Variants in ELOC observed in about 807,000 individuals in gnomAD.
ELOC encodes elongin C, also known as elongin-C.
For missense variants in ELOC, 38 were observed against 139.0 expected, an observed-to-expected ratio of 0.27 and a Z score of 3.65; for synonymous variants, 40 against 51.3, an observed-to-expected ratio of 0.78 and a Z score of 0.94.
rs868037900 is a variant in ELOC at position 73,956,059 on chromosome 8, A to G, written c.5-5T>C. On this transcript the variant is annotated splice_polypyrimidine_tract_variant and splice_region_variant and intron_variant, in intron 2 of 3. Coordinates refer to ENST00000520242, the MANE Select transcript of ELOC (RefSeq NM_005648.4). ...CATAGGTTTTCTCCTCTCCATCTAA[A>G]GTAAAGTAAGTAGTGAAACAATTTT... is the stretch of plus-strand genomic sequence containing the variant. The G allele has an allele frequency of 6.2e-7, 1 of 1,609,052 alleles. No individual in the cohort carries two copies. Among genetic ancestry groups the G allele is most frequent in the Middle Eastern group, 1.7e-4 (1 of 6,042 alleles).
At chr8:73,957,844 T>C (rs1814302413) in intron 2 of ELOC, among the ~76,000 whole-genome samples, 1 of 152,196 alleles carries the variant, frequency 6.6e-6, no homozygotes, top group African/African-American at 2.4e-5. Flanking sequence ...AGTGGCACAA[T>C]CTCGGCTCAC....
At chr8:73,964,046 C>T (rs80230580) in intron 1 of ELOC, among the ~76,000 whole-genome samples, 45,043 of 145,618 alleles carry the variant, frequency 0.31, 7,139 homozygotes, top group Admixed American at 0.39. Context: ...TGAGCCAAGA[C>T]TGCGCCACTG....
chr8:73,964,797 G>T (rs1814855607), intron 1 of ELOC, among the ~76,000 whole-genome samples: 1 of 152,172 alleles, frequency 6.6e-6, no homozygotes, highest in South Asian at 2.1e-4. Context: ...GCCAAGGCAA[G>T]CTGACTGTTT....
chr8:73,947,880 T>TA (rs1178400837), intron 3 of ELOC, among the ~76,000 whole-genome samples: 10 of 151,886 alleles, frequency 6.6e-5, no homozygotes, highest in African/African-American at 2.4e-4. Flanking sequence ...TGGCCAACAT[T>TA]AAAAAAAACC....
intron 1 of ELOC, among the ~76,000 whole-genome samples, chr8:73,963,684 T>C (rs948677179): frequency 6.6e-6 from 1 of 152,152 alleles, no homozygotes; most frequent in Non-Finnish European, 1.5e-5. Context: ...TTAGAACAGA[T>C]CACTCACAAA....
intron 1 of ELOC, among the ~76,000 whole-genome samples, chr8:73,968,555 G>A (rs1168368656): frequency 6.6e-6 from 1 of 152,158 alleles, no homozygotes; most frequent in Admixed American, 6.5e-5. Context: ...CGAAAGATAG[G>A]CTAAAAATAA....
chr8:73,954,451 C>T (rs560944705), intron 3 of ELOC, among the ~76,000 whole-genome samples: 31 of 151,038 alleles, frequency 2.1e-4, no homozygotes, highest in African/African-American at 7.0e-4. Flanking sequence ...AAGGTCAGAT[C>T]GAGACCATCC....
At chr8:73,962,411 T>G (rs1814666602) in intron 1 of ELOC, among the ~76,000 whole-genome samples, 1 of 152,292 alleles carries the variant, frequency 6.6e-6, no homozygotes, top group African/African-American at 2.4e-5. Flanking sequence ...TAAACTTAAT[T>G]GCCACAATTC....
chr8:73,957,660 A>G (rs1814284950), intron 2 of ELOC, among the ~76,000 whole-genome samples: 1 of 152,234 alleles, frequency 6.6e-6, no homozygotes, highest in African/African-American at 2.4e-5. Flanking sequence ...AACCAGACAA[A>G]TTAAAATTGA....
At chr8:73,961,996 A>C (rs28499112) in intron 1 of ELOC, among the ~76,000 whole-genome samples, 25,680 of 151,908 alleles carry the variant, frequency 0.17, 2,474 homozygotes, top group Middle Eastern at 0.29. Flanking sequence ...TCCAGGTTCA[A>C]ACGATTCTTG....
chr8:73,962,823 C>A (rs1232139328), intron 1 of ELOC, among the ~76,000 whole-genome samples: 1 of 152,116 alleles, frequency 6.6e-6, no homozygotes, highest in Non-Finnish European at 1.5e-5. Context: ...GGAGACCCAC[C>A]CTTTCTCCCA....
intron 3 of ELOC, among the ~76,000 whole-genome samples, chr8:73,953,282 C>T (rs909818976): frequency 1.3e-5 from 2 of 149,852 alleles, no homozygotes; most frequent in African/African-American, 4.9e-5. Flanking sequence ...CTCTAGCCTG[C>T]GTAACAGAGT....
chr8:73,963,912 G>A (rs1428547982), intron 1 of ELOC, among the ~76,000 whole-genome samples: 1 of 152,012 alleles, frequency 6.6e-6, no homozygotes, highest in Non-Finnish European at 1.5e-5. Context: ...GACCAACATG[G>A]TGAAACCCCG....
chr8:73,961,295 T>C (rs996884827), intron 1 of ELOC, among the ~76,000 whole-genome samples: 1 of 152,218 alleles, frequency 6.6e-6, no homozygotes, highest in African/African-American at 2.4e-5. Flanking sequence ...CAAATTTTAG[T>C]TCTGGCCTTA....
intron 3 of ELOC, among the ~76,000 whole-genome samples, chr8:73,954,239 G>C (rs1485477329): frequency 6.6e-6 from 1 of 152,152 alleles, no homozygotes. Context: ...GTAATAAAAT[G>C]TTTTGGAACT....
intron 1 of ELOC, chr8:73,970,621 C>G (rs1326181895): frequency 1.3e-5 from 2 of 152,116 alleles, no homozygotes; most frequent in African/African-American, 4.8e-5. Flanking sequence ...ATGAATAAAT[C>G]CACATGTAAA....
intron 3 of ELOC, chr8:73,955,707 G>C: frequency 1.7e-6 from 1 of 587,750 alleles, no homozygotes; most frequent in South Asian, 2.2e-5. Flanking sequence ...GGAGATTGCA[G>C]TGAGCTGAGA....
upstream of ELOC, chr8:73,972,264 G>A (rs1815473285): frequency 6.6e-6 from 1 of 152,348 alleles, no homozygotes; most frequent in South Asian, 2.1e-4. Flanking sequence ...CGAGGACGCA[G>A]AGTGTGTCGC....
In ELOC at chr8:73,945,144, G is replaced by C. The variant is rs1161890424; in HGVS notation, c.*1486C>G. ...TTTTTTTTTTTTTTTTTTTGAGACA[G>C]TCTCGCTCTGTCACCCAGGCTGGAG... On this transcript the variant is annotated 3_prime_UTR_variant, in exon 4 of 4. Transcript: ENST00000520242. The C allele has an allele frequency of 9.1e-6, 1 of 109,540 alleles. No homozygotes were observed. Among genetic ancestry groups the C allele is most frequent in the African/African-American group, 3.5e-5 (1 of 28,326 alleles). 6.8% of individuals were successfully genotyped at this position (109,540 alleles called of 1,614,324 possible).
Sources: gnomAD v4.1 joint callset for allele counts (sites outside exome capture counted in the v4.1 genomes callset) on GRCh38, gnomAD v4.1.1 for gene constraint, MANE v1.5 for transcripts, NCBI Gene and HGNC (gene_info 2026-07-23, HGNC 2026-07-21) for gene names.